RRM2: variants seen among roughly 807,000 people sequenced by gnomAD.
RRM2 encodes the protein ribonucleotide reductase regulatory subunit M2.
A neutral mutation model predicts 45.9 loss-of-function variants in RRM2; 6 were observed. The ratio of observed to expected loss-of-function variants is 0.13; its 90% confidence interval spans 0.07 to 0.26. The LOEUF (loss-of-function observed/expected upper bound fraction) is 0.26. RRM2 is among the 10% of genes least tolerant of loss of function. The pLI is 1.00. For missense variants in RRM2, 343 were observed against 489.5 expected, an observed-to-expected ratio of 0.70 and a Z score of 2.82; for synonymous variants, 177 against 173.0, an observed-to-expected ratio of 1.02 and a Z score of -0.18.
chr2:10,161,299 T>C (rs1421853984), intron 3 of RRM2, among the ~76,000 whole-genome samples: 1 of 152,186 alleles, frequency 6.6e-6, no homozygotes, highest in Non-Finnish European at 1.5e-5. Flanking sequence ...GCTCAAGTGA[T>C]CCACTTGTCT....
At chr2:10,141,785 T>A (rs1663084921) in intron 1 of RRM2, 2 of 1,544,212 alleles carry the variant, frequency 1.3e-6, no homozygotes, top group Non-Finnish European at 1.8e-6. Flanking sequence ...GGCCTGGGGC[T>A]GGGGCTGGGG....
chr2:10,180,275 C>T (rs1242570208), intron 3 of RRM2, among the ~76,000 whole-genome samples: 3 of 152,206 alleles, frequency 2.0e-5, no homozygotes, highest in Non-Finnish European at 4.4e-5. Context: ...TGTTCACTTG[C>T]TTCCAGCAGA....
At chr2:10,167,761 G>A (rs1023657303) in intron 3 of RRM2, among the ~76,000 whole-genome samples, 2 of 152,158 alleles carry the variant, frequency 1.3e-5, no homozygotes, top group African/African-American at 4.8e-5. Flanking sequence ...GAGACCTATG[G>A]CCTGCCTGTC....
At chr2:10,124,871 C>T in intron 5 of RRM2, 21 bp downstream of exon 5, 1 of 1,580,724 alleles carries the variant, frequency 6.3e-7, no homozygotes, top group Non-Finnish European at 8.6e-7. Context: ...AAGTGGTATG[C>T]CAAGATTTTT....
upstream of RRM2, chr2:10,141,255 G>C (rs1365018194): frequency 6.5e-6 from 1 of 154,132 alleles, no homozygotes; most frequent in East Asian, 1.9e-4. Context: ...CTGTTGACCA[G>C]TTATGTGCTC....
chr2:10,186,572 C>T (rs368651610), intron 3 of RRM2, among the ~76,000 whole-genome samples: 2 of 152,200 alleles, frequency 1.3e-5, no homozygotes, highest in African/African-American at 2.4e-5. Flanking sequence ...CAGGAGCAGA[C>T]GCTGAGACCA....
rs1664389811 is a variant in RRM2 at position 10,195,236 on chromosome 2, G to A, written n.483-15075G>A. On this transcript the variant is annotated intron_variant and non_coding_transcript_variant, in intron 3 of 3. Transcript: ENST00000381786. The surrounding 1 kb of genome is among the most constrained non-coding windows in gnomAD (Gnocchi z 4.9). ...CAGGTGGGCTAGGTGGGCACAGAAT[G>A]GGAAGAGAGGCAGTGAGGCAGCCTC... 6.6e-6 allele frequency among the ~76,000 whole-genome samples: 1 copy of A among 152,188 alleles called. No individual in the cohort carries two copies. The highest frequency in any genetic ancestry group is 6.5e-5 in the Admixed American group (1 of 15,284).
intron 3 of RRM2, among the ~76,000 whole-genome samples, chr2:10,186,739 C>T (rs145150892): frequency 1.4e-4 from 21 of 152,324 alleles, no homozygotes; most frequent in Middle Eastern, 6.8e-3. Flanking sequence ...AAGTGCTCAG[C>T]GAACTTACTT....
chr2:10,166,773 G>T (rs540804144), intron 3 of RRM2, among the ~76,000 whole-genome samples: 1 of 152,326 alleles, frequency 6.6e-6, no homozygotes, highest in South Asian at 2.1e-4. Context: ...TTTGCTGAGC[G>T]GCGATGGAAC....
chr2:10,142,426 G>A (rs1399544463), intron 3 of RRM2: 6 of 1,364,766 alleles, frequency 4.4e-6, no homozygotes, highest in African/African-American at 3.0e-5. Flanking sequence ...CCACTGTGGA[G>A]GTGGCTTGCG....
chr2:10,144,077 C>T (rs1420445598), intron 3 of RRM2, among the ~76,000 whole-genome samples: 3 of 152,236 alleles, frequency 2.0e-5, no homozygotes, highest in East Asian at 1.9e-4. Flanking sequence ...TATTCACGCA[C>T]AGCGCCTGTT....
Position 10,123,453 on chromosome 2 carries a change from G to A in RRM2, c.241G>A (p.Val81Ile). The A allele has an allele frequency of 1.9e-6, 3 of 1,614,172 alleles. No individual in the cohort carries two copies. The highest frequency in any genetic ancestry group is 2.5e-6 in the Non-Finnish European group (3 of 1,180,020). Residue 81 changes from valine to isoleucine, a missense_variant, in exon 3 of 10, where the codon GTC (valine) becomes ATC (isoleucine). By Grantham distance (29) the Val-to-Ile change is conservative. Coordinates refer to ENST00000304567, the MANE Select transcript of RRM2 (RefSeq NM_001034.4). The stretch of plus-strand genomic sequence containing the variant: ...GCTGAGAGAAAACCCCCGCCGCTTT[G>A]TCATCTTCCCCATCGAGTACCATGA... ...PLLRENPRRF[V>I]IFPIEYHDIW...
At chr2:10,139,572 C>T (rs1663044410), upstream of RRM2, among the ~76,000 whole-genome samples, 2 of 152,112 alleles carry the variant, frequency 1.3e-5, no homozygotes, top group South Asian at 4.1e-4. Flanking sequence ...GATGAGGGGA[C>T]AGTTAGTGGA....
At chr2:10,160,037 C>A (rs938132160) in intron 3 of RRM2, among the ~76,000 whole-genome samples, 1 of 152,138 alleles carries the variant, frequency 6.6e-6, no homozygotes, top group East Asian at 1.9e-4. Context: ...TGATGAGTTT[C>A]TTCCCTGCTC....
intron 3 of RRM2, among the ~76,000 whole-genome samples, chr2:10,201,511 C>T (rs1383457535): frequency 6.6e-6 from 1 of 152,218 alleles, no homozygotes; most frequent in Non-Finnish European, 1.5e-5. Flanking sequence ...AACGTCCTTC[C>T]TCTATTCTGA....
intron 4 of RRM2, 150 bp from the exon 5 acceptor site, chr2:10,124,567 T>A: frequency 1.2e-6 from 1 of 842,798 alleles, no homozygotes; most frequent in Non-Finnish European, 1.8e-6. Context: ...GCATATGACA[T>A]AAAATATCAA....
chr2:10,156,827 A>G (rs1252444929), intron 3 of RRM2, among the ~76,000 whole-genome samples: 6 of 151,784 alleles, frequency 4.0e-5, no homozygotes. Flanking sequence ...TTTGGTAGAG[A>G]CAGGGTTTCG....
chr2:10,178,008 G>A (rs1387398350), intron 3 of RRM2, among the ~76,000 whole-genome samples: 5 of 147,330 alleles, frequency 3.4e-5, no homozygotes, highest in Admixed American at 6.9e-5. Context: ...TGCAAGCTCC[G>A]CCTCCCAGGT....
chr2:10,177,663 T>TTTCCTTCCTTCC (rs138844800), intron 3 of RRM2, among the ~76,000 whole-genome samples: 2,207 of 141,218 alleles, frequency 0.016, 42 homozygotes, highest in East Asian at 0.05. Flanking sequence ...CTTCTTTCCT[T>TTTCCTTCCTTCC]TTCCTTCCTT....
Sources: allele counts gnomAD v4.1 joint callset (sites outside exome capture counted in the v4.1 genomes callset), GRCh38; gene constraint gnomAD v4.1.1; non-coding constraint Gnocchi (gnomAD v3.1); transcripts MANE v1.5; gene names NCBI Gene and HGNC (gene_info 2026-07-23, HGNC 2026-07-21).